The following RC3H1 variants were observed in gnomAD, a reference collection of about 807,000 sequenced individuals.
RC3H1 encodes the protein roquin-1.
In RC3H1, 50 loss-of-function variants were observed where a neutral mutation model predicts 138.2. That is an observed-to-expected ratio of 0.36 (90% CI 0.29 to 0.46). The LOEUF (loss-of-function observed/expected upper bound fraction) is 0.46, where lower values mean the gene tolerates loss of function less well. RC3H1 is among the 20% of genes least tolerant of loss of function. The pLI is 1.00. For missense variants in RC3H1, 1,031 were observed against 1,388.1 expected (o/e 0.74, Z 4.09); for synonymous variants, 462 against 489.1 (o/e 0.94, Z 0.73).
At chr1:173,986,236 A>C (rs564201852) in intron 2 of RC3H1, among the ~76,000 whole-genome samples, 1 of 152,218 alleles carries the variant, frequency 6.6e-6, no homozygotes, top group Admixed American at 6.5e-5. Context: ...TACATTTGTT[A>C]AAATTAATGA....
chr1:174,018,501 C>T (rs1419663006), intron 1 of RC3H1, among the ~76,000 whole-genome samples: 13 of 152,090 alleles, frequency 8.5e-5, no homozygotes, highest in Non-Finnish European at 1.5e-4. Context: ...TAGAAGGAAT[C>T]TACCTTAAGA....
chr1:173,973,374 A>C (rs961451025), intron 7 of RC3H1, among the ~76,000 whole-genome samples: 1 of 152,034 alleles, frequency 6.6e-6, no homozygotes, highest in Non-Finnish European at 1.5e-5. Flanking sequence ...CGTCTCCACT[A>C]AAAATACAAA....
intron 1 of RC3H1, among the ~76,000 whole-genome samples, chr1:174,015,247 GC>G (rs1320893903): frequency 1.4e-5 from 2 of 143,200 alleles, no homozygotes; most frequent in African/African-American, 5.4e-5. Flanking sequence ...ATAATTATAG[GC>G]CTTTTTTTTT....
At chr1:174,010,094 T>C (rs1305416722) in intron 1 of RC3H1, among the ~76,000 whole-genome samples, 1 of 152,114 alleles carries the variant, frequency 6.6e-6, no homozygotes. Context: ...CACTAGACAA[T>C]GCACATTTCT....
At chr1:173,946,909 G>A in intron 15 of RC3H1, 73 bp from the exon 16 acceptor site, 1 of 1,042,680 alleles carries the variant, frequency 9.6e-7, no homozygotes, top group Admixed American at 1.8e-5. Context: ...TAATCTGAAA[G>A]ACATCAGCGT....
At position 173,935,351 on chromosome 1, in the gene RC3H1, T is replaced by G. The variant is rs1016184863; in HGVS notation, c.*3370A>C. 5 of 152,174 alleles carry G rather than the reference T, an allele frequency of 3.3e-5. No individual in the cohort carries two copies. Among genetic ancestry groups the G allele is most frequent in the African/African-American group, 1.2e-4 (5 of 41,454 alleles). The allele number at this position is 152,174 out of a possible 1,614,324, so 9.4% of individuals were successfully genotyped here. On this transcript the variant is annotated 3_prime_UTR_variant, in exon 20 of 20. Transcript: ENST00000367696. The stretch of plus-strand genomic sequence containing the variant: ...GAAAAAAGAGTAAGTCAAAATACTT[T>G]TATATTTCTCGCTATAAATAAAATT...
intron 18 of RC3H1, among the ~76,000 whole-genome samples, chr1:173,942,837 G>A (rs1442290715): frequency 6.6e-6 from 1 of 151,094 alleles, no homozygotes; most frequent in African/African-American, 2.4e-5. Flanking sequence ...AAAAAAAAAA[G>A]AAAGATTATG....
chr1:173,953,333 C>T (rs970092232), intron 13 of RC3H1, among the ~76,000 whole-genome samples: 3 of 152,136 alleles, frequency 2.0e-5, no homozygotes, highest in Non-Finnish European at 4.4e-5. Flanking sequence ...AGTGCAGTGG[C>T]ATGATCTCTG....
intron 1 of RC3H1, among the ~76,000 whole-genome samples, chr1:174,020,043 G>T (rs1299518455): frequency 6.6e-6 from 1 of 150,808 alleles, no homozygotes; most frequent in African/African-American, 2.4e-5. Context: ...TACTACAATT[G>T]TTCTAATAGG....
At chr1:173,938,996 C>A (rs1658715414) in intron 19 of RC3H1, 125 bp from the exon 20 acceptor site, 1 of 669,190 alleles carries the variant, frequency 1.5e-6, no homozygotes, top group Admixed American at 3.5e-5. Context: ...TAATCTACAG[C>A]CCCTTATCCA....
At chr1:173,967,042 C>G (rs1236647701) in intron 9 of RC3H1, among the ~76,000 whole-genome samples, 1 of 152,042 alleles carries the variant, frequency 6.6e-6, no homozygotes, top group Non-Finnish European at 1.5e-5. Flanking sequence ...AAATAATGTG[C>G]TGGGCACAAT....
intron 17 of RC3H1, among the ~76,000 whole-genome samples, chr1:173,945,511 G>C (rs1659095535): frequency 6.6e-6 from 1 of 152,064 alleles, no homozygotes; most frequent in Admixed American, 6.6e-5. Context: ...TGAAGACTTG[G>C]GTTCGTGTTT....
intron 2 of RC3H1, among the ~76,000 whole-genome samples, chr1:173,988,894 T>A (rs1159339033): frequency 6.6e-6 from 1 of 152,238 alleles, no homozygotes; most frequent in African/African-American, 2.4e-5. Flanking sequence ...AACTGGGTTG[T>A]CTTTTTATCA....
intron 13 of RC3H1, 32 bp from the exon 14 acceptor site, chr1:173,952,170 A>C (rs750408657): frequency 1.9e-5 from 29 of 1,494,408 alleles, no homozygotes; most frequent in Non-Finnish European, 2.6e-5. Context: ...AAACAAAAAA[A>C]AAAAAAAGAG....
chr1:173,967,510 G>C (rs1347271149), intron 9 of RC3H1, among the ~76,000 whole-genome samples: 2 of 152,192 alleles, frequency 1.3e-5, no homozygotes, highest in South Asian at 2.1e-4. Flanking sequence ...ATACTGGGTA[G>C]CACTGGTCTT....
chr1:173,997,350 T>C (rs1661481448), intron 1 of RC3H1, among the ~76,000 whole-genome samples: 1 of 152,176 alleles, frequency 6.6e-6, no homozygotes, highest in African/African-American at 2.4e-5. Flanking sequence ...AGAGTACACT[T>C]AGAGTACAAT....
intron 1 of RC3H1, among the ~76,000 whole-genome samples, chr1:174,013,760 TA>T (rs1314007554): frequency 8.0e-5 from 12 of 150,402 alleles, no homozygotes; most frequent in African/African-American, 2.9e-4. Context: ...AGCAGTAAAA[TA>T]AATAAACTGT....
intron 11 of RC3H1, among the ~76,000 whole-genome samples, chr1:173,963,609 C>T (rs752735951): frequency 1.3e-5 from 2 of 152,066 alleles, no homozygotes; most frequent in Non-Finnish European, 2.9e-5. Flanking sequence ...AATTTACACA[C>T]ACTATAATAT....
chr1:173,995,952 C>A (rs1422877996), intron 1 of RC3H1, among the ~76,000 whole-genome samples: 1 of 152,162 alleles, frequency 6.6e-6, no homozygotes, highest in Non-Finnish European at 1.5e-5. Context: ...GACCAGAAAT[C>A]GATGCAATTG....
Sources: allele counts gnomAD v4.1 joint callset (sites outside exome capture counted in the v4.1 genomes callset), GRCh38; gene constraint gnomAD v4.1.1; transcripts MANE v1.5; gene names NCBI Gene and HGNC (gene_info 2026-07-23, HGNC 2026-07-21).